GLG1: variants seen among roughly 807,000 people sequenced by gnomAD.
The protein encoded by GLG1 is golgi glycoprotein 1.
GLG1 carries 38 observed loss-of-function variants against 160.5 expected under a neutral mutation model. The ratio of observed to expected loss-of-function variants is 0.24; its 90% confidence interval spans 0.18 to 0.31. GLG1 has a LOEUF of 0.31. GLG1 is among the 10% of genes least tolerant of loss of function. The pLI, the probability that GLG1 is intolerant of heterozygous loss-of-function variation, is 1.00. For synonymous variants in GLG1, 644 were observed against 543.4 expected (o/e 1.19, Z -2.57); for missense variants, 1,373 against 1,505.2 (o/e 0.91, Z 1.45).
At chr16:74,561,892 G>A (rs567489341) in intron 1 of GLG1, among the ~76,000 whole-genome samples, 1 of 152,290 alleles carries the variant, frequency 6.6e-6, no homozygotes, top group Admixed American at 6.5e-5. Flanking sequence ...ATATACATTG[G>A]TGTGGTGACT....
At position 74,606,727 on chromosome 16, in the gene GLG1, G is replaced by C; in HGVS notation, c.368C>G (p.Thr123Ser). ...AEEESCREDV[T>S]RVCPKHTWSN... Reference sequence around the variant, plus strand: ...CCAGGTGTGCTTAGGGCACACGCGGGTCACGTCCTCCCTGCAGGACTCTTC... The same window carrying C: ...CCAGGTGTGCTTAGGGCACACGCGGCTCACGTCCTCCCTGCAGGACTCTTC... The change falls in exon 1 of 26, where the codon ACC (threonine) becomes AGC (serine). Residue 123 changes from threonine to serine, a missense_variant. By Grantham distance (58) the Thr-to-Ser change is moderately conservative (BLOSUM62 1). Around this residue, in one of 4 missense-constraint regions of GLG1, gnomAD observed 322 missense variants for 254.6 expected, o/e 1.26. Transcript: ENST00000422840. 1.2e-6 allele frequency: 2 copies of C among 1,612,890 alleles called. No homozygotes were observed. The highest frequency in any genetic ancestry group is 1.7e-6 in the Non-Finnish European group (2 of 1,179,222).
chr16:74,581,988 TCTC>T (rs1369651718), intron 1 of GLG1, among the ~76,000 whole-genome samples: 2 of 152,032 alleles, frequency 1.3e-5, no homozygotes, highest in Non-Finnish European at 2.9e-5. Flanking sequence ...GCTTGAACCC[TCTC>T]CTCCTTCCTC....
At chr16:74,504,959 A>G (rs1432759577) in intron 3 of GLG1, among the ~76,000 whole-genome samples, 1 of 152,266 alleles carries the variant, frequency 6.6e-6, no homozygotes, top group Non-Finnish European at 1.5e-5. Context: ...TGTTTGGAAA[A>G]GAGCCTATTG....
intron 17 of GLG1, 57 bp downstream of exon 17, chr16:74,468,889 A>G: frequency 9.2e-7 from 1 of 1,086,228 alleles, no homozygotes; most frequent in Non-Finnish European, 1.4e-6. Context: ...GCCTCTCCCC[A>G]GCTTTCCAAG....
At chr16:74,491,260 G>A (rs1295048102) in intron 7 of GLG1, 45 bp from the exon 8 acceptor site, 4 of 1,291,978 alleles carry the variant, frequency 3.1e-6, no homozygotes, top group South Asian at 2.4e-5. Flanking sequence ...GTGATGCTAT[G>A]TATTAGCATC....
intron 4 of GLG1, among the ~76,000 whole-genome samples, chr16:74,500,354 T>G (rs2143439664): frequency 6.6e-6 from 1 of 152,204 alleles, no homozygotes; most frequent in Non-Finnish European, 1.5e-5. Context: ...TTTATTATGG[T>G]AGAAAAACAT....
intron 2 of GLG1, 48 bp downstream of exon 2, chr16:74,532,073 T>G: frequency 1.2e-6 from 1 of 823,782 alleles, no homozygotes; most frequent in Non-Finnish European, 1.8e-6. Flanking sequence ...AAATCTGTCA[T>G]CGTATCTATA....
At chr16:74,468,912 G>A in intron 17 of GLG1, 34 bp downstream of exon 17, 1 of 1,316,670 alleles carries the variant, frequency 7.6e-7, no homozygotes, top group Non-Finnish European at 1.1e-6. Context: ...CTGGCCCACT[G>A]TGGTTTCTGG....
chr16:74,491,600 C>T (rs2015987945), intron 7 of GLG1, among the ~76,000 whole-genome samples: 1 of 152,040 alleles, frequency 6.6e-6, no homozygotes, highest in African/African-American at 2.4e-5. Flanking sequence ...ATAAGCTCCC[C>T]CAACTTCTTT....
At chr16:74,464,013 A>G (rs10500587) in intron 19 of GLG1, 48,212 of 153,870 alleles carry the variant, frequency 0.31, 7,783 homozygotes, top group Middle Eastern at 0.39. Flanking sequence ...ACATCTATCC[A>G]AAAGCTGATG....
In GLG1 at chr16:74,500,353, G is replaced by A. The variant is rs115756710; in HGVS notation, c.774+3178C>T. ...ATAATTTTTTGTTAACTTTATTATG[G>A]TAGAAAAACATCTGCTTAAAATCTA... On this transcript the variant is annotated intron_variant, in intron 4 of 25. Coordinates refer to ENST00000422840, the MANE Select transcript of GLG1 (RefSeq NM_001145667.2). Among the ~76,000 whole-genome samples the A allele has an allele frequency of 6.8e-3, 1,034 of 151,482 alleles. 11 individuals carry two copies. Among genetic ancestry groups the A allele is most frequent in the African/African-American group, 0.024 (986 of 41,318 alleles).
intron 1 of GLG1, among the ~76,000 whole-genome samples, chr16:74,560,539 C>T (rs1052952753): frequency 6.6e-5 from 10 of 151,538 alleles, no homozygotes; most frequent in African/African-American, 9.7e-5. Flanking sequence ...AGATGGGTTT[C>T]AGCATGTTGG....
chr16:74,496,324 C>A (rs1184731538), intron 5 of GLG1, 117 bp downstream of exon 5: 1 of 729,148 alleles, frequency 1.4e-6, no homozygotes, highest in South Asian at 1.8e-5. Flanking sequence ...CGTGACCAGC[C>A]TGGGCAACAT....
intron 18 of GLG1, 99 bp from the exon 19 acceptor site, chr16:74,465,912 T>C (rs2014983242): frequency 3.0e-6 from 3 of 1,015,542 alleles, no homozygotes; most frequent in African/African-American, 1.6e-5. Flanking sequence ...TCCCATTTCT[T>C]TATCCATTTC....
At chr16:74,594,737 C>CTTTTG (rs1037720671) in intron 1 of GLG1, among the ~76,000 whole-genome samples, 1 of 148,386 alleles carries the variant, frequency 6.7e-6, no homozygotes, top group African/African-American at 2.4e-5. Flanking sequence ...GATTAGGAGG[C>CTTTTG]TTTTGTTTTG....
intron 17 of GLG1, chr16:74,468,399 C>T (rs1257920479): frequency 6.5e-6 from 1 of 154,914 alleles, no homozygotes; most frequent in Admixed American, 6.3e-5. Context: ...CCACAGCTGG[C>T]TAAATTTTGT....
rs192055601 is a variant in GLG1, at chr16:74,472,523, T to C, written c.2053-112A>G. ...TCTGATGGGCAAATAATCTAATACATACTTTTGGAAACGATTCTAGTATTT... is the reference window on the plus strand; with the variant it reads ...TCTGATGGGCAAATAATCTAATACACACTTTTGGAAACGATTCTAGTATTT... On this transcript the variant is annotated intron_variant, in intron 13 of 25. Coordinates refer to ENST00000422840, the MANE Select transcript of GLG1 (RefSeq NM_001145667.2). 22 of 1,384,928 alleles carry C rather than the reference T, an allele frequency of 1.6e-5. No individual in the cohort carries two copies. In the East Asian group the frequency reaches 5.3e-4, roughly 33 times the overall value. The allele number at this position is 1,384,928 out of a possible 1,614,324, so 85.8% of individuals were successfully genotyped here.
At chr16:74,564,064 G>C (rs1318207286) in intron 1 of GLG1, among the ~76,000 whole-genome samples, 1 of 152,190 alleles carries the variant, frequency 6.6e-6, no homozygotes, top group Non-Finnish European at 1.5e-5. Context: ...GGAACTACCA[G>C]CATGTGCCAC....
Position 74,452,905 on chromosome 16 carries a change from T to G in GLG1, c.*262A>C. The G allele has an allele frequency of 8.6e-7, 1 of 1,166,128 alleles. No homozygotes were observed. The allele number at this position is 1,166,128 out of a possible 1,614,324, so 72.2% of individuals were successfully genotyped here. ...GAAGTTCTGTTGGTATGAGAGAGAC[T>G]TGTCTACAGGCAGGTAAACCCAAGT... On this transcript the variant is annotated 3_prime_UTR_variant, in exon 26 of 26. Coordinates refer to ENST00000422840, the MANE Select transcript of GLG1 (RefSeq NM_001145667.2).
Sources: allele counts gnomAD v4.1 joint callset (sites outside exome capture counted in the v4.1 genomes callset), GRCh38; gene constraint gnomAD v4.1.1; regional missense constraint gnomAD v4.1.1; transcripts MANE v1.5; gene names NCBI Gene and HGNC (gene_info 2026-07-23, HGNC 2026-07-21).